CAPZA1: variants seen among roughly 807,000 people sequenced by gnomAD.
The protein encoded by CAPZA1 is capping actin protein of muscle Z-line subunit alpha 1, also known as F-actin-capping protein subunit alpha-1.
CAPZA1 carries 10 observed loss-of-function variants against 40.8 expected under a neutral mutation model. The observed-to-expected ratio is 0.25, with a 90% CI of 0.15 to 0.42. The LOEUF (loss-of-function observed/expected upper bound fraction) is 0.42. CAPZA1 is among the 10% of genes least tolerant of loss of function. The pLI is 1.00. For missense variants in CAPZA1, 277 were observed against 353.8 expected (o/e 0.78, Z 1.74); for synonymous variants, 98 against 115.0 (o/e 0.85, Z 0.95).
chr1:112,634,092 C>T (rs1670973714), intron 1 of CAPZA1, among the ~76,000 whole-genome samples: 1 of 152,082 alleles, frequency 6.6e-6, no homozygotes, highest in Admixed American at 6.6e-5. Context: ...TAGTTTGATG[C>T]AACATCCGAA....
rs376969896 is a variant in CAPZA1 at position 112,621,539 on chromosome 1, AC to A, written c.39+1658del. Among the ~76,000 whole-genome samples the A allele has an allele frequency of 3.1e-3, 465 of 152,302 alleles. 4 individuals carry two copies. The highest frequency in any genetic ancestry group is 0.011 in the African/African-American group (437 of 41,570). ...AGTGCTGGGATTACAGGCGTAAGCCACCGCGGCCGGCCAAAATTTCACAAAT... is the reference window on the plus strand; with the variant it reads ...AGTGCTGGGATTACAGGCGTAAGCCACGCGGCCGGCCAAAATTTCACAAAT... On this transcript the variant is annotated intron_variant, in intron 1 of 9. Coordinates refer to ENST00000263168, the MANE Select transcript of CAPZA1 (RefSeq NM_006135.3).
intron 3 of CAPZA1, among the ~76,000 whole-genome samples, chr1:112,652,125 A>C (rs1327716056): frequency 1.3e-5 from 2 of 151,160 alleles, no homozygotes; most frequent in African/African-American, 2.4e-5. Context: ...CATCACCCCC[A>C]CCCCCCAAAA....
intron 5 of CAPZA1, among the ~76,000 whole-genome samples, chr1:112,655,057 G>GA (rs1671470242): frequency 6.6e-6 from 1 of 151,586 alleles, no homozygotes; most frequent in South Asian, 2.1e-4. Context: ...TGGACATGGA[G>GA]AAAAAAATGG....
intron 4 of CAPZA1, 104 bp downstream of exon 4, chr1:112,653,765 A>G: frequency 1.3e-6 from 1 of 764,346 alleles, no homozygotes; most frequent in Non-Finnish European, 2.2e-6. Flanking sequence ...AATTTGTCTT[A>G]GTTTTTATAG....
intron 7 of CAPZA1, among the ~76,000 whole-genome samples, chr1:112,666,080 C>G (rs977140378): frequency 6.6e-6 from 1 of 152,092 alleles, no homozygotes; most frequent in Admixed American, 6.6e-5. Flanking sequence ...TCAAGTGATC[C>G]TCCCGTCTTA....
chr1:112,663,442 G>C (rs1003417765), intron 7 of CAPZA1, among the ~76,000 whole-genome samples: 4 of 152,116 alleles, frequency 2.6e-5, no homozygotes, highest in African/African-American at 9.7e-5. Context: ...CATCTTTGCT[G>C]TTCTGATTTT....
In CAPZA1 at chr1:112,670,028, A is replaced by G. The variant is rs1671798702; in HGVS notation, c.757A>G (p.Thr253Ala). 3 of 1,613,932 alleles carry G rather than the reference A, an allele frequency of 1.9e-6. No homozygotes were observed. The highest frequency in any genetic ancestry group is 1.7e-4 in the Middle Eastern group (1 of 6,056). Reference sequence around the variant, plus strand: ...TGAAAACTATCAAACAATGTCAGATACCACATTCAAGGCCTTGCGCCGGCA... The same window carrying G: ...TGAAAACTATCAAACAATGTCAGATGCCACATTCAAGGCCTTGCGCCGGCA... ...ISENYQTMSD[T>A]TFKALRRQLP... The change falls in exon 10 of 10, where the codon ACC becomes GCC. Residue 253 changes from threonine to alanine, a missense_variant. Transcript: ENST00000263168.
Position 112,647,230 on chromosome 1 carries a change from C to G in CAPZA1, c.60C>G (p.Phe20Leu). The stretch of plus-strand genomic sequence containing the variant: ...TTTAGGTACGCATAGCTGCTAAATT[C>G]ATCACTCATGCACCCCCAGGGGAAT... ...DEEKVRIAAK[F>L]ITHAPPGEFN... The change falls in exon 2 of 10, where the codon TTC becomes TTG. Residue 20 changes from phenylalanine (F) to leucine (L), a missense_variant. Transcript: ENST00000263168. 1.3e-6 allele frequency: 2 copies of G among 1,529,956 alleles called. No individual in the cohort carries two copies. The highest frequency in any genetic ancestry group is 1.3e-5 in the South Asian group (1 of 76,140). 94.8% of individuals were successfully genotyped at this position (1,529,956 alleles called of 1,614,324 possible). A position where few individuals can be genotyped will look rare whatever the true frequency, so the allele number is the denominator to read the frequency against.
At chr1:112,650,644 A>G (rs373894398) in intron 3 of CAPZA1, among the ~76,000 whole-genome samples, 7 of 152,208 alleles carry the variant, frequency 4.6e-5, no homozygotes, top group Non-Finnish European at 1.0e-4. Flanking sequence ...AAGTTCTTCA[A>G]TTTGCCTGCC....
At chr1:112,626,334 G>T (rs1038361186) in intron 1 of CAPZA1, 1 of 151,690 alleles carries the variant, frequency 6.6e-6, no homozygotes, top group African/African-American at 2.4e-5. Flanking sequence ...TGGGTCACAC[G>T]TGTAATCCCA....
intron 8 of CAPZA1, among the ~76,000 whole-genome samples, chr1:112,667,774 C>T (rs1320023689): frequency 6.6e-6 from 1 of 152,018 alleles, no homozygotes; most frequent in African/African-American, 2.4e-5. Context: ...TGAAGTGATC[C>T]CCCTGCCTCA....
chr1:112,664,393 C>T (rs1194731517), intron 7 of CAPZA1, among the ~76,000 whole-genome samples: 8 of 152,026 alleles, frequency 5.3e-5, no homozygotes, highest in Non-Finnish European at 1.0e-4. Context: ...AGAGTAAGCC[C>T]CTGCTGAGAC....
chr1:112,621,368 C>T (rs1670657122), intron 1 of CAPZA1, among the ~76,000 whole-genome samples: 2 of 152,000 alleles, frequency 1.3e-5, no homozygotes, highest in Admixed American at 1.3e-4. Context: ...TCTCCTGCCT[C>T]AGCTTCCCGA....
Position 112,623,470 on chromosome 1 carries a change from C to T in CAPZA1, c.39+3587C>T, listed in dbSNP as rs540569422. Among the ~76,000 whole-genome samples the T allele has an allele frequency of 5.3e-5, 8 of 150,792 alleles. No homozygotes were observed. In the South Asian group the frequency reaches 1.7e-3, roughly 32 times the overall value. The stretch of plus-strand genomic sequence containing the variant: ...CCGAGGCAGGTGCATCATCTGAGGT[C>T]GGGAGTTTGAGACCAGCCTGACCAA... On this transcript the variant is annotated intron_variant, in intron 1 of 9. Coordinates refer to ENST00000263168, the MANE Select transcript of CAPZA1 (RefSeq NM_006135.3).
At chr1:112,666,838 G>T in intron 7 of CAPZA1, 1 of 473,602 alleles carries the variant, frequency 2.1e-6, no homozygotes, top group South Asian at 3.3e-5. Flanking sequence ...TGTAATAAAT[G>T]TTTCTTGAAC....
chr1:112,662,574 A>G (rs1424741312), intron 7 of CAPZA1, among the ~76,000 whole-genome samples: 2 of 151,098 alleles, frequency 1.3e-5, no homozygotes, highest in Non-Finnish European at 2.9e-5. Flanking sequence ...AATTTTTTGT[A>G]TTTTTAGTAG....
At chr1:112,640,149 GC>G (rs1671117202) in intron 1 of CAPZA1, among the ~76,000 whole-genome samples, 1 of 116,682 alleles carries the variant, frequency 8.6e-6, no homozygotes, top group South Asian at 3.0e-4. Flanking sequence ...GGGGGGATCA[GC>G]CCCCCACCCG....
chr1:112,648,347 CTTTTTT>C lies in CAPZA1; in HGVS notation c.104-1054_104-1049del, dbSNP rs35670246. Among the ~76,000 whole-genome samples, 861 of 99,400 alleles carry C rather than the reference CTTTTTT, an allele frequency of 8.7e-3. 7 individuals are homozygous for C. Among genetic ancestry groups the C allele is most frequent in the African/African-American group, 0.029 (792 of 27,200 alleles). 65.2% of individuals were successfully genotyped at this position (99,400 alleles called of 152,430 possible). ...TAATAAATTTTCCTGTTGAATTTTT[CTTTTTT>C]TTTTTTTTTTTTTTTTGACGGAGTC... On this transcript the variant is annotated intron_variant, in intron 2 of 9. Transcript: ENST00000263168.
intron 1 of CAPZA1, among the ~76,000 whole-genome samples, chr1:112,639,710 AT>A: frequency 6.6e-6 from 1 of 152,108 alleles, no homozygotes; most frequent in South Asian, 2.1e-4. Flanking sequence ...AAAAAAAAAA[AT>A]TAAAGGATGA....
Sources: allele counts gnomAD v4.1 joint callset (sites outside exome capture counted in the v4.1 genomes callset), GRCh38; gene constraint gnomAD v4.1.1; transcripts MANE v1.5; gene names NCBI Gene and HGNC (gene_info 2026-07-23, HGNC 2026-07-21).